The following NFX1 variants were observed in gnomAD, a reference collection of about 807,000 sequenced individuals.
The protein encoded by NFX1 is transcriptional repressor NF-X1.
A neutral mutation model predicts 137.2 loss-of-function variants in NFX1; 69 were observed. The observed-to-expected ratio is 0.50, with a 90% CI of 0.41 to 0.61. The LOEUF (loss-of-function observed/expected upper bound fraction) is 0.61. NFX1 is among the 20% of genes least tolerant of loss of function. NFX1 has a pLI of 0.00. For synonymous variants in NFX1, 495 were observed against 474.1 expected, an observed-to-expected ratio of 1.04 and a Z score of -0.57; for missense variants, 1,167 against 1,391.0, an observed-to-expected ratio of 0.84 and a Z score of 2.56.
chr9:33,341,901 G>C (rs1335373696), intron 12 of NFX1, among the ~76,000 whole-genome samples: 1 of 152,164 alleles, frequency 6.6e-6, no homozygotes, highest in Non-Finnish European at 1.5e-5. Context: ...CAGATCACTT[G>C]AGGTCAGGAG....
rs117407683 is a variant in NFX1, at chr9:33,325,029, C to T, written c.1907-3552C>T. Among the ~76,000 whole-genome samples the T allele has an allele frequency of 1.6e-4, 25 of 151,722 alleles. No homozygotes were observed. The East Asian group carries it at 4.6e-3, about 28-fold the overall frequency. On this transcript the variant is annotated intron_variant, in intron 9 of 23. Coordinates refer to ENST00000379540, the MANE Select transcript of NFX1 (RefSeq NM_002504.6). Reference sequence around the variant, plus strand: ...CCTCAGAAATGTGGGACACCTTTAACTGTATCAGTGTACATGTAATTGGAA... The same window carrying T: ...CCTCAGAAATGTGGGACACCTTTAATTGTATCAGTGTACATGTAATTGGAA...
In NFX1 at chr9:33,318,837, T is replaced by C; in HGVS notation, c.1688+7T>C. On this transcript the variant is annotated splice_region_variant and intron_variant, in intron 8 of 23. Coordinates refer to ENST00000379540, the MANE Select transcript of NFX1 (RefSeq NM_002504.6). Reference sequence around the variant, plus strand: ...GTTTAAAGATATGTGGCAAGTAAGGTTTTACGTTTTCTTCAGTTGAACTAA... The same window carrying C: ...GTTTAAAGATATGTGGCAAGTAAGGCTTTACGTTTTCTTCAGTTGAACTAA... 1 of 1,614,160 alleles carries C rather than the reference T, an allele frequency of 6.2e-7. No individual in the cohort carries two copies. Among genetic ancestry groups the C allele is most frequent in the Non-Finnish European group, 8.5e-7 (1 of 1,180,008 alleles).
chr9:33,350,033 G>A (rs1435563846), intron 15 of NFX1, among the ~76,000 whole-genome samples: 1 of 152,056 alleles, frequency 6.6e-6, no homozygotes, highest in Non-Finnish European at 1.5e-5. Context: ...GCCAGGCGTG[G>A]TTTCTCATGC....
At chr9:33,360,692 A>T (rs193148986) in intron 19 of NFX1, among the ~76,000 whole-genome samples, 111 of 152,342 alleles carry the variant, frequency 7.3e-4, no homozygotes, top group African/African-American at 2.5e-3. Flanking sequence ...GTAGAAATAA[A>T]AACCTAGCAG....
Position 33,338,535 on chromosome 9 carries a change from G to A in NFX1, c.2061G>A (p.Arg687=), listed in dbSNP as rs751645209. The A allele has an allele frequency of 1.9e-6, 3 of 1,603,820 alleles. No homozygotes were observed. In the Admixed American group the frequency reaches 5.2e-5, roughly 28 times the overall value. Residue 687 remains arginine, a synonymous_variant, in exon 12 of 24, where the codon CGG becomes CGA. Transcript: ENST00000379540. ...ATGCTACATTTATGTGTGACAAGCG[G>A]TGTAACAAGAAACGGTTGTGTGGAC... ...SEDATFMCDK[R]CNKKRLCGRH... is the part of the protein sequence containing the mutation.
chr9:33,362,046 A>C (rs1824009552), intron 19 of NFX1, among the ~76,000 whole-genome samples: 1 of 150,910 alleles, frequency 6.6e-6, no homozygotes, highest in South Asian at 2.1e-4. Context: ...GCTTAAGCCC[A>C]GGAGGTGGAA....
chr9:33,322,186 G>A (rs533701341), intron 9 of NFX1, among the ~76,000 whole-genome samples: 1 of 149,084 alleles, frequency 6.7e-6, no homozygotes, highest in Admixed American at 6.7e-5. Context: ...AGGTGACAGA[G>A]TGAGACTCCA....
intron 9 of NFX1, among the ~76,000 whole-genome samples, chr9:33,321,761 C>T (rs1353834843): frequency 6.6e-6 from 1 of 151,982 alleles, no homozygotes; most frequent in Non-Finnish European, 1.5e-5. Flanking sequence ...TGCCTGTGGT[C>T]CCAGCTACTT....
chr9:33,312,240 G>A (rs1304576410), intron 6 of NFX1, among the ~76,000 whole-genome samples: 1 of 152,200 alleles, frequency 6.6e-6, no homozygotes, highest in Non-Finnish European at 1.5e-5. Flanking sequence ...ACTCAGAAAG[G>A]TCAGATCCTG....
rs190236607 is a variant in NFX1, at chr9:33,325,596, G to A, written c.1907-2985G>A. On this transcript the variant is annotated intron_variant, in intron 9 of 23. Transcript: ENST00000379540. ...GGAGAATGGCATGAACCCGGGAGGC[G>A]TAGCTTGCAGTGAGCCGAGATTGCG... Among the ~76,000 whole-genome samples the A allele has an allele frequency of 2.4e-4, 37 of 152,226 alleles. 1 individual carries two copies. The East Asian group carries it at 4.6e-3, about 19-fold the overall frequency.
At chr9:33,347,270 A>G (rs1823457997) in intron 15 of NFX1, among the ~76,000 whole-genome samples, 153 bp downstream of exon 15, 1 of 152,226 alleles carries the variant, frequency 6.6e-6, no homozygotes, top group Non-Finnish European at 1.5e-5. Flanking sequence ...TATAATTTGC[A>G]TACAACAGAA....
intron 9 of NFX1, among the ~76,000 whole-genome samples, chr9:33,319,667 G>A (rs1410692250): frequency 1.3e-5 from 2 of 152,056 alleles, no homozygotes; most frequent in East Asian, 1.9e-4. Context: ...ACACCACCAC[G>A]CCCGGCTAAT....
chr9:33,334,708 A>C (rs971737212), intron 11 of NFX1, among the ~76,000 whole-genome samples: 11 of 152,208 alleles, frequency 7.2e-5, no homozygotes, highest in African/African-American at 2.7e-4. Flanking sequence ...TAATATCTCA[A>C]AGACGTATTT....
Position 33,332,515 on chromosome 9 carries a change from TG to T in NFX1, c.2035+17del, listed in dbSNP as rs1822844864. The T allele has an allele frequency of 6.4e-7, 1 of 1,565,690 alleles. No homozygotes were observed. Among genetic ancestry groups the T allele is most frequent in the Non-Finnish European group, 8.7e-7 (1 of 1,151,192 alleles). ...CTCAAAAGTGAAGGTATGACTGGGGTGGGGCATGAGGGAATTTCTGGGGTGA... is the reference window on the plus strand; with the variant it reads ...CTCAAAAGTGAAGGTATGACTGGGGTGGGCATGAGGGAATTTCTGGGGTGA... On this transcript the variant is annotated intron_variant, in intron 11 of 23. Transcript: ENST00000379540.
intron 23 of NFX1, 132 bp downstream of exon 23, chr9:33,367,751 G>A: frequency 1.4e-6 from 1 of 727,704 alleles, no homozygotes; most frequent in South Asian, 1.7e-5. Flanking sequence ...GTTCAAATAT[G>A]TAATGTTTAG....
intron 12 of NFX1, 101 bp from the exon 13 acceptor site, chr9:33,342,645 C>T: frequency 1.3e-6 from 1 of 792,768 alleles, no homozygotes; most frequent in Non-Finnish European, 2.0e-6. Context: ...ATCATTTTAT[C>T]CATAAATGTG....
intron 23 of NFX1, among the ~76,000 whole-genome samples, chr9:33,367,878 T>C (rs996365376): frequency 2.0e-5 from 3 of 152,160 alleles, no homozygotes; most frequent in African/African-American, 4.8e-5. Flanking sequence ...ATGGTGACAC[T>C]GGGAAGTGGA....
chr9:33,296,724 G>C (rs944517861), intron 2 of NFX1, among the ~76,000 whole-genome samples: 1 of 151,734 alleles, frequency 6.6e-6, no homozygotes, highest in Non-Finnish European at 1.5e-5. Context: ...ACCCTGTTTT[G>C]CGGGGGGAAA....
chr9:33,370,107 C>T lies in NFX1; in HGVS notation c.*129C>T. 1 of 657,698 alleles carries T rather than the reference C, an allele frequency of 1.5e-6. No individual in the cohort carries two copies. Among genetic ancestry groups the T allele is most frequent in the Non-Finnish European group, 2.6e-6 (1 of 379,692 alleles). The allele number at this position is 657,698 out of a possible 1,614,324, so 40.7% of individuals were successfully genotyped here. A position where few individuals can be genotyped will look rare whatever the true frequency, so the allele number is the denominator to read the frequency against. On this transcript the variant is annotated 3_prime_UTR_variant, in exon 24 of 24. Coordinates refer to ENST00000379540, the MANE Select transcript of NFX1 (RefSeq NM_002504.6). ...TCTCACATACTGTCTTGTACTGACA[C>T]ATCCAAAGCATGAGTGTGTCAGAAA...
Sources: allele counts gnomAD v4.1 joint callset (sites outside exome capture counted in the v4.1 genomes callset), GRCh38; gene constraint gnomAD v4.1.1; transcripts MANE v1.5; gene names NCBI Gene and HGNC (gene_info 2026-07-23, HGNC 2026-07-21).